FMN2: variants seen among roughly 807,000 people sequenced by gnomAD.
FMN2 encodes the protein formin 2.
In FMN2, 51 loss-of-function variants were observed where a neutral mutation model predicts 142.3. The observed-to-expected ratio is 0.36, with a 90% CI of 0.29 to 0.45. The LOEUF (loss-of-function observed/expected upper bound fraction) is 0.45, where lower values mean the gene tolerates loss of function less well. Among genes scored for constraint, FMN2 ranks in the 20% least tolerant of loss-of-function variants. The pLI, the probability that FMN2 is intolerant of heterozygous loss-of-function variation, is 1.00. For synonymous variants in FMN2, 882 were observed against 869.8 expected, an observed-to-expected ratio of 1.01 and a Z score of -0.25; for missense variants, 1,936 against 2,122.8, an observed-to-expected ratio of 0.91 and a Z score of 1.73.
At position 240,208,601 on chromosome 1, in the gene FMN2, TC is replaced by T; in HGVS notation, c.3791del (p.Pro1264LeufsTer11). ...LPTPQVCGFLPPPLPSGLFGL... is the reference protein window; with the variant it reads ...LPTPQVCGFLXPPLPSGLFGL... ...CAACCCCACAGGTGTGTGGATTTCTTCCTCCTCCATTGCCAAGTGGCTTGTT... is the reference window on the plus strand; with the variant it reads ...CAACCCCACAGGTGTGTGGATTTCTTCTCCTCCATTGCCAAGTGGCTTGTT... On this transcript the variant is annotated frameshift_variant, in exon 5 of 18. Transcript: ENST00000319653. LOFTEE classifies it high-confidence loss of function. The T allele has an allele frequency of 6.2e-7, 1 of 1,613,868 alleles. No homozygotes were observed. Among genetic ancestry groups the T allele is most frequent in the Non-Finnish European group, 8.5e-7 (1 of 1,180,008 alleles).
At chr1:240,188,926 A>G (rs1402913846) in intron 4 of FMN2, among the ~76,000 whole-genome samples, 2 of 152,142 alleles carry the variant, frequency 1.3e-5, no homozygotes, top group Non-Finnish European at 2.9e-5. Flanking sequence ...AGAAACTCCC[A>G]TTTTTAAAAC....
Position 240,437,456 on chromosome 1 carries a change from C to A in FMN2, c.4911-605C>A, listed in dbSNP as rs528379463. ...GACTACAGGTGCCCACCACCATGCCCGGCTAATTTTTTTTTCTTTGTAATT... is the reference window on the plus strand; with the variant it reads ...GACTACAGGTGCCCACCACCATGCCAGGCTAATTTTTTTTTCTTTGTAATT... On this transcript the variant is annotated intron_variant, in intron 15 of 17. Coordinates refer to ENST00000319653, the MANE Select transcript of FMN2 (RefSeq NM_020066.5). 1.8e-4 allele frequency among the ~76,000 whole-genome samples: 27 copies of A among 151,958 alleles called. No homozygotes were observed. In the South Asian group the frequency reaches 5.6e-3, roughly 32 times the overall value.
At chr1:240,428,048 G>A (rs73128231) in intron 15 of FMN2, among the ~76,000 whole-genome samples, 4,835 of 151,640 alleles carry the variant, frequency 0.032, 252 homozygotes, top group African/African-American at 0.11. Context: ...TACAGGAAAT[G>A]CAGGATTCTT....
intron 15 of FMN2, among the ~76,000 whole-genome samples, chr1:240,404,392 GGC>G (rs1285582821): frequency 1.3e-5 from 2 of 152,192 alleles, no homozygotes; most frequent in African/African-American, 4.8e-5. Context: ...GTGTTTATCT[GGC>G]TTAGGCTGGC....
At chr1:240,268,478 A>G (rs1380573430) in intron 7 of FMN2, among the ~76,000 whole-genome samples, 2 of 151,930 alleles carry the variant, frequency 1.3e-5, no homozygotes, top group Non-Finnish European at 2.9e-5. Flanking sequence ...CTTCTTAAAC[A>G]TTGTCTCTGT....
chr1:240,345,513 C>T (rs1188150707), intron 13 of FMN2, among the ~76,000 whole-genome samples: 1 of 152,122 alleles, frequency 6.6e-6, no homozygotes, highest in African/African-American at 2.4e-5. Flanking sequence ...CTCTGTCGCC[C>T]AGGCTGGAGT....
chr1:240,188,181 G>A, intron 3 of FMN2, 26 bp from the exon 4 acceptor site: 1 of 1,611,252 alleles, frequency 6.2e-7, no homozygotes, highest in African/African-American at 1.3e-5. Context: ...TTAAGATACT[G>A]ACTGTCTGCT....
At chr1:240,396,899 G>A (rs1460382817) in intron 15 of FMN2, among the ~76,000 whole-genome samples, 1 of 152,210 alleles carries the variant, frequency 6.6e-6, no homozygotes, top group East Asian at 1.9e-4. Context: ...ATTGTGAATA[G>A]TGCTGTGATG....
chr1:240,318,709 C>A (rs1368308437), intron 8 of FMN2, among the ~76,000 whole-genome samples: 1 of 152,168 alleles, frequency 6.6e-6, no homozygotes, highest in Non-Finnish European at 1.5e-5. Context: ...TTAAGTACTT[C>A]ATAGAACATG....
At chr1:240,245,655 A>G in intron 6 of FMN2, 1 of 469,060 alleles carries the variant, frequency 2.1e-6, no homozygotes, top group Non-Finnish European at 4.4e-6. Context: ...TAGTTAAAAT[A>G]CTGGTTTGGT....
At chr1:240,324,902 A>G (rs1224048210) in intron 8 of FMN2, among the ~76,000 whole-genome samples, 2 of 152,146 alleles carry the variant, frequency 1.3e-5, no homozygotes, top group Admixed American at 6.5e-5. Flanking sequence ...TGGGGTGTTT[A>G]CAAACTATGA....
chr1:240,368,484 T>C (rs1214073404), intron 14 of FMN2, among the ~76,000 whole-genome samples: 1 of 152,206 alleles, frequency 6.6e-6, no homozygotes, highest in Admixed American at 6.5e-5. Flanking sequence ...TTGTATTTTG[T>C]AAACTGCATT....
chr1:240,143,337 C>T, intron 2 of FMN2: 1 of 1,492,466 alleles, frequency 6.7e-7, no homozygotes, highest in Non-Finnish European at 9.3e-7. Context: ...GGAGTGCAGG[C>T]TCCCCATATC....
chr1:240,234,224 A>AT (rs1227424513), intron 6 of FMN2, among the ~76,000 whole-genome samples: 1 of 151,960 alleles, frequency 6.6e-6, no homozygotes, highest in Non-Finnish European at 1.5e-5. Flanking sequence ...AAATTATTGA[A>AT]TTTTTTTGCA....
At chr1:240,343,323 A>G (rs1453319145) in intron 13 of FMN2, among the ~76,000 whole-genome samples, 1 of 152,180 alleles carries the variant, frequency 6.6e-6, no homozygotes, top group Non-Finnish European at 1.5e-5. Flanking sequence ...CTCTTTAGTG[A>G]TTGCATAACT....
chr1:240,159,901 C>CTG (rs1228860568), intron 2 of FMN2, among the ~76,000 whole-genome samples: 49 of 75,674 alleles, frequency 6.5e-4, no homozygotes, highest in South Asian at 1.9e-3. Context: ...ATATATATAT[C>CTG]TGTGTATATA....
chr1:240,225,664 G>A (rs908168088), intron 6 of FMN2, among the ~76,000 whole-genome samples: 1 of 152,158 alleles, frequency 6.6e-6, no homozygotes, highest in Non-Finnish European at 1.5e-5. Context: ...GTCATGTAAA[G>A]AACAGGAAAG....
chr1:240,469,695 C>A (rs1250461544), intron 16 of FMN2, among the ~76,000 whole-genome samples: 1 of 152,224 alleles, frequency 6.6e-6, no homozygotes, highest in African/African-American at 2.4e-5. Flanking sequence ...AGAAAGATCT[C>A]TGTAAACCCA....
intron 2 of FMN2, among the ~76,000 whole-genome samples, chr1:240,155,422 T>G (rs934640506): frequency 4.6e-5 from 7 of 152,140 alleles, no homozygotes; most frequent in African/African-American, 1.7e-4. Context: ...ATAGCTGGGA[T>G]TAGATGTGCA....
Sources: allele counts gnomAD v4.1 joint callset (sites outside exome capture counted in the v4.1 genomes callset), GRCh38; gene constraint gnomAD v4.1.1; transcripts MANE v1.5; gene names NCBI Gene and HGNC (gene_info 2026-07-23, HGNC 2026-07-21).